VTCN1: variants seen among roughly 807,000 people sequenced by gnomAD.
VTCN1 encodes V-set domain-containing T-cell activation inhibitor 1.
VTCN1 carries 26 observed loss-of-function variants against 26.5 expected under a neutral mutation model. The observed-to-expected ratio is 0.98, with a 90% CI of 0.72 to 1.36. The LOEUF (loss-of-function observed/expected upper bound fraction) is 1.36. Among genes scored for constraint, VTCN1 ranks in the 40% most tolerant of loss-of-function variants. The pLI, the probability that VTCN1 is intolerant of heterozygous loss-of-function variation, is 0.00. For missense variants in VTCN1, 298 were observed against 337.7 expected (o/e 0.88, Z 0.92); for synonymous variants, 116 against 130.7 (o/e 0.89, Z 0.77).
At position 117,155,008 on chromosome 1, in the gene VTCN1, A is replaced by G. The variant is rs1315250587; in HGVS notation, c.445+1566T>C. Among the ~76,000 whole-genome samples, 4 of 152,034 alleles carry G rather than the reference A, an allele frequency of 2.6e-5. No individual in the cohort carries two copies. The highest frequency in any genetic ancestry group is 5.9e-5 in the Non-Finnish European group (4 of 68,006). ...CTGTCATGTTTTCCCAATTTTCTGT[A>G]TATTCCATGACGTTGACAGTTTTGA... On this transcript the variant is annotated intron_variant, in intron 3 of 5. Coordinates refer to ENST00000369458, the MANE Select transcript of VTCN1 (RefSeq NM_024626.4). The surrounding 1 kb of genome is among the most constrained non-coding windows in gnomAD (Gnocchi z 4.8).
intron 1 of VTCN1, among the ~76,000 whole-genome samples, chr1:117,200,880 T>A (rs1001599455): frequency 2.6e-5 from 4 of 152,124 alleles, no homozygotes; most frequent in Non-Finnish European, 5.9e-5. Flanking sequence ...GCCTCCTGAG[T>A]AGCTGGGACT....
chr1:117,206,758 C>G (rs566097475), intron 1 of VTCN1, among the ~76,000 whole-genome samples: 1 of 152,126 alleles, frequency 6.6e-6, no homozygotes, highest in East Asian at 1.9e-4. Context: ...GGCATTTGAG[C>G]TGAATATTGA....
chr1:117,190,929 GAA>G lies in VTCN1; in HGVS notation c.32+19893_32+19894del, dbSNP rs200025288. ...AATTTCAGCAACCAACCCAAAATAT[GAA>G]AGTCTATTAATTGCCTGACAAGAAT... On this transcript the variant is annotated intron_variant, in intron 1 of 5. Coordinates refer to ENST00000369458, the MANE Select transcript of VTCN1 (RefSeq NM_024626.4). Among the ~76,000 whole-genome samples the G allele has an allele frequency of 5.4e-4, 82 of 152,280 alleles. 3 individuals are homozygous for G. In the East Asian group the frequency reaches 0.014, roughly 25 times the overall value.
At chr1:117,148,744 A>T (rs995495967) in intron 4 of VTCN1, among the ~76,000 whole-genome samples, 18 of 152,252 alleles carry the variant, frequency 1.2e-4, no homozygotes, top group Non-Finnish European at 2.5e-4. Flanking sequence ...GGACAAAAAA[A>T]TAAGGCAACT....
rs1026734181 is a variant in VTCN1, at chr1:117,159,058, G to A, written c.98-2137C>T. Among the ~76,000 whole-genome samples the A allele has an allele frequency of 3.3e-5, 5 of 152,146 alleles. No homozygotes were observed. Among genetic ancestry groups the A allele is most frequent in the African/African-American group, 4.8e-5 (2 of 41,412 alleles). On this transcript the variant is annotated intron_variant, in intron 2 of 5. Coordinates refer to ENST00000369458, the MANE Select transcript of VTCN1 (RefSeq NM_024626.4). The surrounding 1 kb of genome is among the most constrained non-coding windows in gnomAD (Gnocchi z 4.7). ...GTCAAAGCCATTCAACAAGTCTCTA[G>A]GAAGTTTCAAAATTTCCCACATTTT...
chr1:117,205,782 C>A (rs1649026170), intron 1 of VTCN1, among the ~76,000 whole-genome samples: 1 of 152,200 alleles, frequency 6.6e-6, no homozygotes, highest in African/African-American at 2.4e-5. Context: ...AGATATTGAG[C>A]AAGGTAACTT....
chr1:117,190,403 A>G (rs1417978560), intron 1 of VTCN1, among the ~76,000 whole-genome samples: 1 of 152,172 alleles, frequency 6.6e-6, no homozygotes, highest in African/African-American at 2.4e-5. Context: ...TGCTGAAGGA[A>G]CTCTGTGACT....
At chr1:117,184,306 C>T (rs936119136) in intron 1 of VTCN1, among the ~76,000 whole-genome samples, 1 of 152,028 alleles carries the variant, frequency 6.6e-6, no homozygotes, top group African/African-American at 2.4e-5. Flanking sequence ...GTCTGGGCAG[C>T]ACTGGGCTAT....
At chr1:117,180,432 C>G (rs1570970096) in intron 1 of VTCN1, among the ~76,000 whole-genome samples, 1 of 152,144 alleles carries the variant, frequency 6.6e-6, no homozygotes, top group East Asian at 1.9e-4. Context: ...GTGTTTCCTG[C>G]TCCTCCTTAT....
Position 117,147,703 on chromosome 1 carries a change from G to T in VTCN1, c.804C>A (p.Ile268=). The change falls in exon 5 of 6, where the codon ATC becomes ATA. Residue 268 remains isoleucine (I), a synonymous_variant. Transcript: ENST00000369458. The surrounding 1 kb of genome is among the most constrained non-coding windows in gnomAD (Gnocchi z 4.6). ...ASLCVSSFFA[I]SWALLPLSPY... is the part of the protein sequence containing the mutation. ...GGCTGAGAGGCAGAAGTGCCCAGCT[G>T]ATGGCAAAGAAAGAAGAGACACACA... The T allele has an allele frequency of 6.2e-7, 1 of 1,614,024 alleles. No homozygotes were observed. The highest frequency in any genetic ancestry group is 1.7e-5 in the Admixed American group (1 of 59,994).
chr1:117,157,532 G>T (rs1240546497), intron 2 of VTCN1, among the ~76,000 whole-genome samples: 1 of 152,144 alleles, frequency 6.6e-6, no homozygotes, highest in African/African-American at 2.4e-5. Flanking sequence ...ACTACCACAA[G>T]AACAGTATAG....
In VTCN1 at chr1:117,147,306, G is replaced by T. The variant is rs536545608; in HGVS notation, c.*45+307C>A. On this transcript the variant is annotated intron_variant, in intron 5 of 5. Transcript: ENST00000369458. The surrounding 1 kb of genome is among the most constrained non-coding windows in gnomAD (Gnocchi z 4.6). ...GTGGAATCCAGGGTAATTACTCAGG[G>T]CTAAATATCTCTTTCTCTTCAATAA... Among the ~76,000 whole-genome samples, 8 of 152,234 alleles carry T rather than the reference G, an allele frequency of 5.3e-5. No homozygotes were observed. The highest frequency in any genetic ancestry group is 1.9e-4 in the African/African-American group (8 of 41,536).
In VTCN1 at chr1:117,167,580, G is replaced by A. The variant is rs1432540192; in HGVS notation, c.97+2527C>T. 6.6e-6 allele frequency among the ~76,000 whole-genome samples: 1 copy of A among 152,216 alleles called. No individual in the cohort carries two copies. The highest frequency in any genetic ancestry group is 1.5e-5 in the Non-Finnish European group (1 of 68,032). ...AAATTCCACAACACCCAGTATTGGT[G>A]AGGGTGTGGAGAGCTTGATCTCTCA... is the stretch of plus-strand genomic sequence containing the variant. On this transcript the variant is annotated intron_variant, in intron 2 of 5. Coordinates refer to ENST00000369458, the MANE Select transcript of VTCN1 (RefSeq NM_024626.4). This position sits in a 1 kb window ranked among gnomAD's most constrained non-coding sequence, Gnocchi z 4.1.
rs141060793 is a variant in VTCN1, at chr1:117,159,701, G to A, written c.98-2780C>T. Among the ~76,000 whole-genome samples the A allele has an allele frequency of 1.3e-5, 2 of 152,300 alleles. No homozygotes were observed. The highest frequency in any genetic ancestry group is 4.8e-5 in the African/African-American group (2 of 41,558). ...TGAAATCTCATGTTAACTAAATGTG[G>A]CCTAGTCATTCTGAAAAATGCTGAA... On this transcript the variant is annotated intron_variant, in intron 2 of 5. Coordinates refer to ENST00000369458, the MANE Select transcript of VTCN1 (RefSeq NM_024626.4). This position sits in a 1 kb window ranked among gnomAD's most constrained non-coding sequence, Gnocchi z 4.7.
Position 117,193,963 on chromosome 1 carries a change from A to G in VTCN1, c.32+16861T>C, listed in dbSNP as rs79020203. On this transcript the variant is annotated intron_variant, in intron 1 of 5. Coordinates refer to ENST00000369458, the MANE Select transcript of VTCN1 (RefSeq NM_024626.4). ...AGCTCCCTTTGATGTTGGTTTTGGC[A>G]ATGACTTTTTGGATATGACACCAAA... Among the ~76,000 whole-genome samples the G allele has an allele frequency of 7.9e-3, 1,207 of 152,280 alleles. 18 individuals carry two copies. The highest frequency in any genetic ancestry group is 0.028 in the African/African-American group (1,147 of 41,570).
rs1647780379 is a variant in VTCN1 at position 117,183,600 on chromosome 1, T to A, written c.33-13429A>T. 6.6e-6 allele frequency among the ~76,000 whole-genome samples: 1 copy of A among 152,222 alleles called. No homozygotes were observed. Among genetic ancestry groups the A allele is most frequent in the Non-Finnish European group, 1.5e-5 (1 of 68,030 alleles). On this transcript the variant is annotated intron_variant, in intron 1 of 5. Coordinates refer to ENST00000369458, the MANE Select transcript of VTCN1 (RefSeq NM_024626.4). The surrounding 1 kb of genome is among the most constrained non-coding windows in gnomAD (Gnocchi z 4.1). ...AGGGGACCTAGAGATTCATAATAGC[T>A]GTGCTTGAATACTTGTTAAACTTGA...
At chr1:117,173,266 G>A (rs1653022154) in intron 1 of VTCN1, 1 of 693,404 alleles carries the variant, frequency 1.4e-6, no homozygotes, top group Non-Finnish European at 2.7e-6. Context: ...CACAATTGCA[G>A]ATGTAGTTAG....
At chr1:117,205,329 A>G (rs1649004134) in intron 1 of VTCN1, among the ~76,000 whole-genome samples, 1 of 151,758 alleles carries the variant, frequency 6.6e-6, no homozygotes, top group Non-Finnish European at 1.5e-5. Context: ...TGATTTTTGT[A>G]TTTTTTGTAG....
intron 1 of VTCN1, among the ~76,000 whole-genome samples, chr1:117,190,936 T>G (rs944766695): frequency 6.6e-6 from 1 of 152,208 alleles, no homozygotes; most frequent in African/African-American, 2.4e-5. Flanking sequence ...TATGAAAGTC[T>G]ATTAATTGCC....
Sources: allele counts gnomAD v4.1 joint callset (sites outside exome capture counted in the v4.1 genomes callset), GRCh38; gene constraint gnomAD v4.1.1; non-coding constraint Gnocchi (gnomAD v3.1); transcripts MANE v1.5; gene names NCBI Gene and HGNC (gene_info 2026-07-23, HGNC 2026-07-21).